The following PCK2 variants were observed in gnomAD, a reference collection of about 807,000 sequenced individuals.
PCK2 encodes the protein phosphoenolpyruvate carboxykinase 2, mitochondrial.
Under a neutral mutation model 65.9 loss-of-function variants are expected in PCK2, and 56 were observed. That is an observed-to-expected ratio of 0.85 (90% CI 0.69 to 1.06). The LOEUF (loss-of-function observed/expected upper bound fraction) is 1.06. PCK2 is among the 50% of genes least tolerant of loss of function. The probability of loss-of-function intolerance (pLI) is 0.00; values close to 1 mark genes in which losing one functional copy is unlikely to be tolerated. For synonymous variants in PCK2, 305 were observed against 319.6 expected (o/e 0.95, Z 0.49); for missense variants, 843 against 863.1 (o/e 0.98, Z 0.29).
intron 1 of PCK2, among the ~76,000 whole-genome samples, chr14:24,096,174 C>T (rs1201274306): frequency 3.3e-5 from 5 of 150,922 alleles, no homozygotes; most frequent in African/African-American, 9.7e-5. Context: ...ATGAAATTGT[C>T]ACCTGGGCCC....
In PCK2 at chr14:24,094,430, C is replaced by A. The variant is rs763533064; in HGVS notation, c.25C>A (p.Leu9Met). 6.4e-7 allele frequency: 1 copy of A among 1,552,074 alleles called. No homozygotes were observed. The highest frequency in any genetic ancestry group is 1.2e-5 in the South Asian group (1 of 84,560). The change falls in exon 1 of 10, where the codon CTG becomes ATG. Residue 9 changes from leucine to methionine, a missense_variant. By Grantham distance (15) the Leu-to-Met change is conservative. Coordinates refer to ENST00000216780, the MANE Select transcript of PCK2 (RefSeq NM_004563.4). The surrounding 1 kb of genome is among the most constrained non-coding windows in gnomAD (Gnocchi z 4.1). Reference sequence around the variant, plus strand: ...CATGGCCGCATTGTACCGCCCTGGCCTGCGGTGAGTGACCCCCGGCCCGGG... The same window carrying A: ...CATGGCCGCATTGTACCGCCCTGGCATGCGGTGAGTGACCCCCGGCCCGGG... MAALYRPGLRLNWHGLSPL... is the reference protein window; with the variant it reads MAALYRPGMRLNWHGLSPL...
At chr14:24,102,397 A>G in intron 7 of PCK2, among the ~76,000 whole-genome samples, 1 of 152,210 alleles carries the variant, frequency 6.6e-6, no homozygotes, top group East Asian at 1.9e-4. Context: ...AAATAATGAA[A>G]TAGTTTCTGG....
Position 24,096,873 on chromosome 14 carries a change from G to C in PCK2, c.30-19G>C. 1 of 1,603,776 alleles carries C rather than the reference G, an allele frequency of 6.2e-7. No individual in the cohort carries two copies. Among genetic ancestry groups the C allele is most frequent in the South Asian group, 1.1e-5 (1 of 90,814 alleles). On this transcript the variant is annotated intron_variant, in intron 1 of 9. Coordinates refer to ENST00000216780, the MANE Select transcript of PCK2 (RefSeq NM_004563.4). ...TCTCGATGACAGCAACTAGCTCATT[G>C]CCTCTGTTTCTCCTATAGGCTTAAC...
At position 24,099,578 on chromosome 14, in the gene PCK2, T is replaced by G; in HGVS notation, c.873T>G (p.Pro291=). 6.2e-7 allele frequency: 1 copy of G among 1,603,246 alleles called. No homozygotes were observed. Among genetic ancestry groups the G allele is most frequent in the Non-Finnish European group, 8.5e-7 (1 of 1,174,240 alleles). ...EHMLILGITS[P]AGKKRYVAAA... is the part of the protein sequence containing the mutation. ...CACAGATCCTGGGCATCACCAGCCCTGCAGGGAAGAAGCGCTATGTGGCAG... is the reference window on the plus strand; with the variant it reads ...CACAGATCCTGGGCATCACCAGCCCGGCAGGGAAGAAGCGCTATGTGGCAG... Residue 291 remains proline, a synonymous_variant, in exon 6 of 10, where the codon CCT becomes CCG. Transcript: ENST00000216780.
chr14:24,094,552 C>T lies in PCK2; in HGVS notation c.29+118C>T, dbSNP rs571500314. ...CCAGGTTTCCCATCCTAGGCGGAGG[C>T]GGGCAGGGGCGACTGCTGTGGGTCC... On this transcript the variant is annotated intron_variant, in intron 1 of 9. Coordinates refer to ENST00000216780, the MANE Select transcript of PCK2 (RefSeq NM_004563.4). This position sits in a 1 kb window ranked among gnomAD's most constrained non-coding sequence, Gnocchi z 4.1. 72 of 1,437,856 alleles carry T rather than the reference C, an allele frequency of 5.0e-5. 1 individual carries two copies. The African/African-American group carries it at 8.8e-4, about 18-fold the overall frequency. 89.1% of individuals were successfully genotyped at this position (1,437,856 alleles called of 1,614,324 possible). A position where few individuals can be genotyped will look rare whatever the true frequency, so the allele number is the denominator to read the frequency against.
Position 24,103,171 on chromosome 14 carries a change from G to C in PCK2, c.1384G>C (p.Val462Leu), listed in dbSNP as rs761165843. The C allele has an allele frequency of 1.2e-6, 2 of 1,613,442 alleles. No individual in the cohort carries two copies. The highest frequency in any genetic ancestry group is 1.7e-6 in the Non-Finnish European group (2 of 1,179,356). Residue 462 changes from valine (V) to leucine (L), a missense_variant, in exon 9 of 10, where the codon GTA becomes CTA. By Grantham distance (32) the Val-to-Leu change is conservative. Transcript: ENST00000216780. ...GGRRPKGVPLVYEAFNWRHGV... is the reference protein window; with the variant it reads ...GGRRPKGVPLLYEAFNWRHGV... ...CATTGGTGATCTAGGGGTACCCCTGGTATACGAGGCCTTCAACTGGCGTCA... is the reference window on the plus strand; with the variant it reads ...CATTGGTGATCTAGGGGTACCCCTGCTATACGAGGCCTTCAACTGGCGTCA...
At position 24,098,327 on chromosome 14, in the gene PCK2, T is replaced by G. The variant is rs368654746; in HGVS notation, c.400T>G (p.Trp134Gly). The stretch of plus-strand genomic sequence containing the variant: ...TGGGGCCCGTGGGCAGCTGGGCAAC[T>G]GGATGTCCCCAGCTGATTTCCAGCG... ...PGGARGQLGN[W>G]MSPADFQRAV... is the part of the protein sequence containing the mutation. Residue 134 changes from tryptophan to glycine, a missense_variant, in exon 3 of 10, where the codon TGG (tryptophan) becomes GGG (glycine). Transcript: ENST00000216780. 3 of 1,613,942 alleles carry G rather than the reference T, an allele frequency of 1.9e-6. No individual in the cohort carries two copies. Among genetic ancestry groups the G allele is most frequent in the Non-Finnish European group, 2.5e-6 (3 of 1,179,968 alleles).
chr14:24,094,500 GT>G lies in PCK2; in HGVS notation c.29+67del. 1 of 1,472,848 alleles carries G rather than the reference GT, an allele frequency of 6.8e-7. No homozygotes were observed. The highest frequency in any genetic ancestry group is 8.9e-7 in the Non-Finnish European group (1 of 1,119,500). The allele number at this position is 1,472,848 out of a possible 1,614,324, so 91.2% of individuals were successfully genotyped here. A position where few individuals can be genotyped will look rare whatever the true frequency, so the allele number is the denominator to read the frequency against. On this transcript the variant is annotated intron_variant, in intron 1 of 9. Coordinates refer to ENST00000216780, the MANE Select transcript of PCK2 (RefSeq NM_004563.4). This position sits in a 1 kb window ranked among gnomAD's most constrained non-coding sequence, Gnocchi z 4.1. ...TGCGCTCGCCCCCTCGGGGCTGCCA[GT>G]GGCGCTCTCCTGCTCTCAGCCTCCG...
At chr14:24,095,142 G>A (rs2036809500) in intron 1 of PCK2, 1 of 455,990 alleles carries the variant, frequency 2.2e-6, no homozygotes, top group Non-Finnish European at 4.4e-6. Flanking sequence ...TCTCTTCTCA[G>A]CTTTTGTCCC....
rs1035413227 is a variant in PCK2, at chr14:24,094,662, C to A, written c.29+228C>A. ...TGCACCTCCCCTTCTCTGCCTCGCT[C>A]GCCTCTGACCGCGCGATCTCTATCT... On this transcript the variant is annotated intron_variant, in intron 1 of 9. Transcript: ENST00000216780. The surrounding 1 kb of genome is among the most constrained non-coding windows in gnomAD (Gnocchi z 4.1). 6.6e-7 allele frequency: 1 copy of A among 1,506,550 alleles called. No individual in the cohort carries two copies. The allele number at this position is 1,506,550 out of a possible 1,614,324, so 93.3% of individuals were successfully genotyped here.
At position 24,100,212 on chromosome 14, in the gene PCK2, T is replaced by C; in HGVS notation, c.1233T>C (p.Pro411=). 1 of 1,614,138 alleles carries C rather than the reference T, an allele frequency of 6.2e-7. No homozygotes were observed. The highest frequency in any genetic ancestry group is 8.5e-7 in the Non-Finnish European group (1 of 1,179,998). The change falls in exon 7 of 10, where the codon CCT becomes CCC. Residue 411 remains proline, a splice_region_variant and synonymous_variant. Coordinates refer to ENST00000216780, the MANE Select transcript of PCK2 (RefSeq NM_004563.4). ...VTSWLGKPWK[P]GDKEPCAHPN... ...CCTGGCTGGGCAAACCCTGGAAACC[T>C]GGTATGTGCGGTGGGGAAGGTGTGG...
At chr14:24,095,622 C>T (rs961125819) in intron 1 of PCK2, among the ~76,000 whole-genome samples, 1 of 152,182 alleles carries the variant, frequency 6.6e-6, no homozygotes, top group Non-Finnish European at 1.5e-5. Context: ...AGGGGAAGCA[C>T]GGGGTCACGT....
At chr14:24,100,468 G>A in intron 7 of PCK2, 1 of 869,998 alleles carries the variant, frequency 1.1e-6, no homozygotes, top group Non-Finnish European at 1.6e-6. Flanking sequence ...GGGTAGTTGT[G>A]ATAGTACCTA....
rs201550732 is a variant in PCK2 at position 24,103,293 on chromosome 14, C to T, written c.1468+38C>T. 25 of 1,509,544 alleles carry T rather than the reference C, an allele frequency of 1.7e-5. No homozygotes were observed. The East Asian group carries it at 5.0e-4, about 30-fold the overall frequency. 93.5% of individuals were successfully genotyped at this position (1,509,544 alleles called of 1,614,324 possible). A position where few individuals can be genotyped will look rare whatever the true frequency, so the allele number is the denominator to read the frequency against. ...ACCATTCCTCCCTCTCCTGTGTGTG[C>T]ACACAGCACGTCCTCTCTCCCTTCC... On this transcript the variant is annotated intron_variant, in intron 9 of 9. Coordinates refer to ENST00000216780, the MANE Select transcript of PCK2 (RefSeq NM_004563.4).
At chr14:24,096,835 C>T in intron 1 of PCK2, 57 bp from the exon 2 acceptor site, 1 of 1,523,120 alleles carries the variant, frequency 6.6e-7, no homozygotes, top group Non-Finnish European at 9.0e-7. Flanking sequence ...TCTCCACCAC[C>T]TGCCTTGTCC....
Position 24,094,829 on chromosome 14 carries a change from G to A in PCK2, c.29+395G>A, listed in dbSNP as rs779680565. ...CCCCAGGGTACTTCGAGAGGCAGCA[G>A]GGCCCTGGGGACAAGGGTACGTGAG... On this transcript the variant is annotated intron_variant, in intron 1 of 9. Coordinates refer to ENST00000216780, the MANE Select transcript of PCK2 (RefSeq NM_004563.4). This position sits in a 1 kb window ranked among gnomAD's most constrained non-coding sequence, Gnocchi z 4.1. The A allele has an allele frequency of 1.2e-5, 16 of 1,323,976 alleles. No homozygotes were observed. The South Asian group carries it at 2.0e-4, about 16-fold the overall frequency. 82.0% of individuals were successfully genotyped at this position (1,323,976 alleles called of 1,614,324 possible). A position where few individuals can be genotyped will look rare whatever the true frequency, so the allele number is the denominator to read the frequency against.
In PCK2 at chr14:24,100,227, G is replaced by A; in HGVS notation, c.1234+14G>A. Reference sequence around the variant, plus strand: ...CCTGGAAACCTGGTATGTGCGGTGGGGAAGGTGTGGCACAGCCTCCAGGCC... The same window carrying A: ...CCTGGAAACCTGGTATGTGCGGTGGAGAAGGTGTGGCACAGCCTCCAGGCC... On this transcript the variant is annotated intron_variant, in intron 7 of 9. Transcript: ENST00000216780. The A allele has an allele frequency of 1.9e-6, 3 of 1,613,750 alleles. No individual in the cohort carries two copies. The highest frequency in any genetic ancestry group is 2.5e-6 in the Non-Finnish European group (3 of 1,179,836).
chr14:24,097,362 C>T (rs933500548), intron 2 of PCK2, among the ~76,000 whole-genome samples: 6 of 149,906 alleles, frequency 4.0e-5, no homozygotes, highest in Admixed American at 1.3e-4. Context: ...ACCAGCCTGA[C>T]CAACATGGAG....
upstream of PCK2, chr14:24,094,310 T>C (rs1440143204): frequency 3.2e-6 from 4 of 1,257,352 alleles, no homozygotes; most frequent in African/African-American, 4.6e-5. The surrounding 1 kb of genome is among the most constrained non-coding windows in gnomAD (Gnocchi z 4.1). Context: ...CAGCCTCTGC[T>C]GTGGCTCGCT....
Sources: gnomAD v4.1 joint callset for allele counts (sites outside exome capture counted in the v4.1 genomes callset) on GRCh38, gnomAD v4.1.1 for gene constraint, Gnocchi (gnomAD v3.1) non-coding constraint, MANE v1.5 for transcripts, NCBI Gene and HGNC (gene_info 2026-07-23, HGNC 2026-07-21) for gene names.